The following SPATA17 variants were observed in gnomAD, a reference collection of about 807,000 sequenced individuals.
The protein encoded by SPATA17 is spermatogenesis associated 17.
In SPATA17, 53 loss-of-function variants were observed where a neutral mutation model predicts 62.2. That is an observed-to-expected ratio of 0.85 (90% CI 0.68 to 1.07). SPATA17 has a LOEUF of 1.07. Among genes scored for constraint, SPATA17 ranks in the 50% least tolerant of loss-of-function variants. The probability of loss-of-function intolerance (pLI) is 0.00; values close to 1 mark genes in which losing one functional copy is unlikely to be tolerated. For synonymous variants in SPATA17, 146 were observed against 146.8 expected, an observed-to-expected ratio of 0.99 and a Z score of 0.04; for missense variants, 466 against 425.5, an observed-to-expected ratio of 1.10 and a Z score of -0.84.
chr1:217,748,711 T>C (rs1350354255), intron 6 of SPATA17, among the ~76,000 whole-genome samples: 1 of 142,624 alleles, frequency 7.0e-6, no homozygotes, highest in Non-Finnish European at 1.5e-5. Flanking sequence ...GCCACTGCAC[T>C]CCAGCCTGGG....
intron 6 of SPATA17, among the ~76,000 whole-genome samples, chr1:217,753,918 G>A (rs1439864701): frequency 6.6e-6 from 1 of 152,028 alleles, no homozygotes; most frequent in Non-Finnish European, 1.5e-5. Flanking sequence ...ATTAATATTT[G>A]CTTATTTTTA....
At chr1:217,783,504 T>A (rs1673783549) in intron 8 of SPATA17, among the ~76,000 whole-genome samples, 1 of 152,030 alleles carries the variant, frequency 6.6e-6, no homozygotes, top group South Asian at 2.1e-4. Flanking sequence ...AAGGAACTTT[T>A]TTTCCAATTA....
At chr1:217,751,538 A>C (rs1558591921) in intron 6 of SPATA17, among the ~76,000 whole-genome samples, 1 of 152,224 alleles carries the variant, frequency 6.6e-6, no homozygotes, top group Non-Finnish European at 1.5e-5. Flanking sequence ...ACTAGCATGG[A>C]GAATGAATTA....
At chr1:217,689,405 T>C (rs1437883255) in intron 5 of SPATA17, among the ~76,000 whole-genome samples, 1 of 151,866 alleles carries the variant, frequency 6.6e-6, no homozygotes, top group Non-Finnish European at 1.5e-5. Flanking sequence ...TTCATATTTT[T>C]AATAGAGATG....
intron 7 of SPATA17, among the ~76,000 whole-genome samples, chr1:217,778,200 A>G (rs1225239043): frequency 6.6e-6 from 1 of 152,144 alleles, no homozygotes; most frequent in Non-Finnish European, 1.5e-5. Context: ...GTAACATTGC[A>G]TATTTAAATT....
intron 6 of SPATA17, among the ~76,000 whole-genome samples, chr1:217,755,028 A>G (rs1558037059): frequency 1.3e-5 from 2 of 152,268 alleles, no homozygotes; most frequent in East Asian, 3.9e-4. Flanking sequence ...AGTCCAACAC[A>G]TGAAATAATC....
chr1:217,800,361 C>T (rs931138663), intron 8 of SPATA17, among the ~76,000 whole-genome samples: 1 of 151,050 alleles, frequency 6.6e-6, no homozygotes, highest in Non-Finnish European at 1.5e-5. Context: ...GATATAAGTC[C>T]AAGCTGCCAG....
intron 5 of SPATA17, chr1:217,739,712 CA>C (rs1672585077): frequency 1.3e-5 from 2 of 151,992 alleles, no homozygotes; most frequent in Non-Finnish European, 2.9e-5. Context: ...ACTGCTATAA[CA>C]AAAATGTATA....
intron 4 of SPATA17, among the ~76,000 whole-genome samples, chr1:217,677,554 A>AT (rs1670976177): frequency 1.3e-5 from 2 of 152,104 alleles, no homozygotes; most frequent in South Asian, 4.1e-4. Flanking sequence ...TACAGAATGA[A>AT]TAACAGTTTT....
intron 9 of SPATA17, among the ~76,000 whole-genome samples, chr1:217,837,388 C>A (rs1213434863): frequency 6.6e-6 from 1 of 151,936 alleles, no homozygotes; most frequent in Non-Finnish European, 1.5e-5. Flanking sequence ...ACTGGGGTTC[C>A]CTGCAGGGAT....
intron 2 of SPATA17, among the ~76,000 whole-genome samples, chr1:217,649,860 C>G (rs906103745): frequency 6.6e-6 from 1 of 150,954 alleles, no homozygotes; most frequent in Non-Finnish European, 1.5e-5. Context: ...TGGAATTATC[C>G]TATATAAAAC....
chr1:217,682,696 A>T (rs1293115293), intron 4 of SPATA17, among the ~76,000 whole-genome samples: 1 of 152,168 alleles, frequency 6.6e-6, no homozygotes, highest in East Asian at 1.9e-4. Flanking sequence ...AGATTAAATA[A>T]ATGTAAGCAA....
intron 5 of SPATA17, among the ~76,000 whole-genome samples, chr1:217,732,460 A>G (rs1672421861): frequency 6.6e-6 from 1 of 152,218 alleles, no homozygotes. Flanking sequence ...TTGAGTAAAC[A>G]CAAAATAAAC....
intron 3 of SPATA17, among the ~76,000 whole-genome samples, 187 bp downstream of exon 3, chr1:217,651,365 T>G (rs1000039363): frequency 2.0e-5 from 3 of 152,234 alleles, no homozygotes; most frequent in Non-Finnish European, 4.4e-5. Flanking sequence ...CCATGGAGAA[T>G]TGACCCATTT....
intron 7 of SPATA17, among the ~76,000 whole-genome samples, chr1:217,781,549 T>C (rs1309730349): frequency 6.6e-6 from 1 of 152,198 alleles, no homozygotes; most frequent in Non-Finnish European, 1.5e-5. Flanking sequence ...CTGTGGACTT[T>C]CCTCTGCTAA....
At chr1:217,752,311 A>G (rs1488889561) in intron 6 of SPATA17, among the ~76,000 whole-genome samples, 2 of 152,144 alleles carry the variant, frequency 1.3e-5, no homozygotes, top group African/African-American at 2.4e-5. Flanking sequence ...TACAGGCATG[A>G]GCCACCACAC....
At chr1:217,698,694 C>T (rs995524182) in intron 5 of SPATA17, among the ~76,000 whole-genome samples, 5 of 151,766 alleles carry the variant, frequency 3.3e-5, no homozygotes, top group Non-Finnish European at 5.9e-5. Flanking sequence ...CAGTCTTATT[C>T]GGGTTTTCCC....
intron 9 of SPATA17, among the ~76,000 whole-genome samples, chr1:217,847,500 TATAGAC>T (rs1382062785): frequency 6.6e-6 from 1 of 152,104 alleles, no homozygotes; most frequent in African/African-American, 2.4e-5. Context: ...TTGGTTGAAA[TATAGAC>T]ATTAAATATT....
intron 5 of SPATA17, among the ~76,000 whole-genome samples, chr1:217,740,424 T>C (rs1334195755): frequency 2.0e-5 from 3 of 152,160 alleles, no homozygotes; most frequent in Non-Finnish European, 2.9e-5. Context: ...GATTGTTATT[T>C]TTCCCAGCAA....
Sources: gnomAD v4.1 joint callset for allele counts (sites outside exome capture counted in the v4.1 genomes callset) on GRCh38, gnomAD v4.1.1 for gene constraint, MANE v1.5 for transcripts, NCBI Gene and HGNC (gene_info 2026-07-23, HGNC 2026-07-21) for gene names.